Variants in BST1 observed in about 807,000 individuals in gnomAD.
The protein encoded by BST1 is bone marrow stromal cell antigen 1, also known as ADP-ribosyl cyclase/cyclic ADP-ribose hydrolase 2.
In BST1, 49 loss-of-function variants were observed where a neutral mutation model predicts 40.6. That is an observed-to-expected ratio of 1.21 (90% CI 0.96 to 1.53). BST1 has a LOEUF of 1.53. Among genes scored for constraint, BST1 ranks in the 40% most tolerant of loss-of-function variants. The pLI is 0.00. For synonymous variants in BST1, 157 were observed against 159.3 expected, an observed-to-expected ratio of 0.99 and a Z score of 0.11; for missense variants, 423 against 395.9, an observed-to-expected ratio of 1.07 and a Z score of -0.58.
chr4:15,714,914 A>G (rs1221732542), intron 4 of BST1, among the ~76,000 whole-genome samples: 1 of 152,210 alleles, frequency 6.6e-6, no homozygotes, highest in Admixed American at 6.5e-5. Flanking sequence ...ACAAAACCCC[A>G]GTGGGCCTGT....
the BST1 span, among the ~76,000 whole-genome samples, chr4:15,768,594 C>T: frequency 7.9e-5 from 12 of 151,398 alleles, no homozygotes; most frequent in South Asian, 2.3e-3. Flanking sequence ...CCCGGGTTCA[C>T]GCCATTCTCC....
chr4:15,767,450 C>T, the BST1 span, among the ~76,000 whole-genome samples: 1 of 151,928 alleles, frequency 6.6e-6, no homozygotes, highest in Non-Finnish European at 1.5e-5. Context: ...ACTACAGGCA[C>T]GTGCCGCCAC....
chr4:15,704,945 C>T (rs767287189), intron 1 of BST1: 1 of 776,340 alleles, frequency 1.3e-6, no homozygotes, highest in Non-Finnish European at 2.4e-6. Flanking sequence ...CAGAGAACCA[C>T]CTGTGTTACA....
chr4:15,762,149 A>T, the BST1 span, among the ~76,000 whole-genome samples: 1 of 137,582 alleles, frequency 7.3e-6, no homozygotes, highest in African/African-American at 2.8e-5. Context: ...AGATCGCGCC[A>T]CTGCACTCCA....
the BST1 span, among the ~76,000 whole-genome samples, chr4:15,754,954 A>G: frequency 6.6e-6 from 1 of 152,182 alleles, no homozygotes; most frequent in Non-Finnish European, 1.5e-5. Context: ...GAAGCATTAA[A>G]CACAAAATAC....
At chr4:15,773,631 T>C in the BST1 span, among the ~76,000 whole-genome samples, 1 of 151,892 alleles carries the variant, frequency 6.6e-6, no homozygotes, top group African/African-American at 2.4e-5. Flanking sequence ...CGAAACCCCA[T>C]CTCTACAAAA....
intron 8 of BST1, 105 bp from the exon 9 acceptor site, chr4:15,731,635 C>G (rs1200646118): frequency 2.8e-6 from 4 of 1,430,198 alleles, no homozygotes; most frequent in Admixed American, 2.0e-5. Flanking sequence ...CATGGCTTCT[C>G]GCTCCGCGCT....
the BST1 span, among the ~76,000 whole-genome samples, chr4:15,767,304 T>C: frequency 1.3e-5 from 2 of 152,016 alleles, no homozygotes; most frequent in East Asian, 3.8e-4. Context: ...TACTACTTTT[T>C]ATCAATTTTT....
rs1400528444 is a variant in BST1, at chr4:15,718,988, T to C, written c.786T>C (p.Asp262=). The change falls in exon 7 of 9, where the codon GAT becomes GAC. Residue 262 remains aspartate (D), a synonymous_variant. Coordinates refer to ENST00000265016, the MANE Select transcript of BST1 (RefSeq NM_004334.3). ...GGTTCCAGTACAGCTGTATTAATGA[T>C]TACCGGTAGGTGGCCTATATATCAA... ...DMGFQYSCIN[D]YRPVKLLQCV... is the part of the protein sequence containing the mutation. The C allele has an allele frequency of 6.2e-7, 1 of 1,613,480 alleles. No individual in the cohort carries two copies. The highest frequency in any genetic ancestry group is 1.1e-5 in the South Asian group (1 of 90,964).
At chr4:15,771,812 A>G in the BST1 span, among the ~76,000 whole-genome samples, 1 of 152,226 alleles carries the variant, frequency 6.6e-6, no homozygotes, top group Non-Finnish European at 1.5e-5. Context: ...TTGTTGTAGC[A>G]TTCTGTGCTC....
chr4:15,715,389 A>G, intron 5 of BST1, 28 bp downstream of exon 5: 1 of 1,600,742 alleles, frequency 6.2e-7, no homozygotes, highest in South Asian at 1.1e-5. Context: ...TTCAAACACA[A>G]GAGAGAATGC....
intron 6 of BST1, among the ~76,000 whole-genome samples, chr4:15,717,316 G>C (rs1325337483): frequency 2.6e-5 from 4 of 151,990 alleles, no homozygotes; most frequent in African/African-American, 9.7e-5. Flanking sequence ...TTTCCTCCCT[G>C]TACACTCCCC....
chr4:15,719,075 G>A, intron 7 of BST1, 82 bp downstream of exon 7: 1 of 1,225,534 alleles, frequency 8.2e-7, no homozygotes, highest in Non-Finnish European at 1.2e-6. Flanking sequence ...GGGTATTGAT[G>A]GCTCTCAGCT....
intron 4 of BST1, among the ~76,000 whole-genome samples, chr4:15,714,732 C>G (rs1720415008): frequency 6.6e-6 from 1 of 152,186 alleles, no homozygotes; most frequent in African/African-American, 2.4e-5. Flanking sequence ...GGTTTGCACT[C>G]CCTGCCTCAT....
chr4:15,714,552 C>A (rs80271912), intron 4 of BST1, among the ~76,000 whole-genome samples: 1 of 152,144 alleles, frequency 6.6e-6, no homozygotes, highest in Non-Finnish European at 1.5e-5. Context: ...AGATTTCAGA[C>A]CCTTAAGTAT....
At chr4:15,741,323 C>A (rs542333069), downstream of BST1, among the ~76,000 whole-genome samples, 1 of 152,000 alleles carries the variant, frequency 6.6e-6, no homozygotes, top group African/African-American at 2.4e-5. Flanking sequence ...AAACATGGCC[C>A]GAGAATTCTG....
At chr4:15,713,128 A>G (rs191650088) in intron 4 of BST1, among the ~76,000 whole-genome samples, 7 of 151,604 alleles carry the variant, frequency 4.6e-5, no homozygotes, top group African/African-American at 1.7e-4. Context: ...AGTGTGGTAT[A>G]GTGATGGGAA....
At chr4:15,762,580 C>T in the BST1 span, among the ~76,000 whole-genome samples, 1 of 152,040 alleles carries the variant, frequency 6.6e-6, no homozygotes, top group South Asian at 2.1e-4. Context: ...ACTTTTTGAC[C>T]ATTTCACCAT....
intron 7 of BST1, among the ~76,000 whole-genome samples, chr4:15,719,493 T>G (rs1388797657): frequency 1.3e-5 from 2 of 152,158 alleles, no homozygotes; most frequent in South Asian, 2.1e-4. Flanking sequence ...TTTGTGGGCC[T>G]TGTTGCTTGG....
Sources: gnomAD v4.1 joint callset for allele counts (sites outside exome capture counted in the v4.1 genomes callset) on GRCh38, gnomAD v4.1.1 for gene constraint, MANE v1.5 for transcripts, NCBI Gene and HGNC (gene_info 2026-07-23, HGNC 2026-07-21) for gene names.